The following ICA1 variants were observed in gnomAD, a reference collection of about 807,000 sequenced individuals.
ICA1 encodes the protein 69 kDa islet cell autoantigen.
In ICA1, 40 loss-of-function variants were observed where a neutral mutation model predicts 71.0. The observed-to-expected ratio is 0.56, with a 90% CI of 0.44 to 0.73. ICA1 has a LOEUF of 0.73. Ranked by LOEUF, ICA1 falls within the 30% of genes least tolerant of loss-of-function variation. The probability of loss-of-function intolerance (pLI) is 0.00; values close to 1 mark genes in which losing one functional copy is unlikely to be tolerated. For synonymous variants in ICA1, 207 were observed against 209.5 expected (o/e 0.99, Z 0.10); for missense variants, 578 against 576.5 (o/e 1.00, Z -0.03).
intron 6 of ICA1, among the ~76,000 whole-genome samples, chr7:8,187,423 T>A (rs750543044): frequency 3.9e-5 from 6 of 152,156 alleles, no homozygotes; most frequent in Non-Finnish European, 8.8e-5. Context: ...TGTAGGGCAC[T>A]TCCCACAAAT....
chr7:8,130,781 A>G lies in ICA1; in HGVS notation c.1061-2639T>C, dbSNP rs1420669075. Among the ~76,000 whole-genome samples, 1 of 152,238 alleles carries G rather than the reference A, an allele frequency of 6.6e-6. No individual in the cohort carries two copies. The highest frequency in any genetic ancestry group is 2.4e-5 in the African/African-American group (1 of 41,454). On this transcript the variant is annotated intron_variant, in intron 12 of 13. Coordinates refer to ENST00000402384, the MANE Select transcript of ICA1 (RefSeq NM_001136020.3). The surrounding 1 kb of genome is among the most constrained non-coding windows in gnomAD (Gnocchi z 4.2). ...TAGCAAGAACAAATAATAAACTGTA[A>G]GCCTTCTAAAAATAACCACAGACTG...
At chr7:8,124,143 C>T (rs1227916751) in intron 13 of ICA1, among the ~76,000 whole-genome samples, 4 of 109,872 alleles carry the variant, frequency 3.6e-5, no homozygotes, top group Non-Finnish European at 3.4e-5. Context: ...TTTTTTGAGA[C>T]GGAGTCTCGC....
At chr7:8,261,884 G>T (rs1220632123) in intron 1 of ICA1, 1 of 152,278 alleles carries the variant, frequency 6.6e-6, no homozygotes, top group Non-Finnish European at 1.5e-5. Flanking sequence ...TTCCCAGGCC[G>T]GAGGGAGGAG....
intron 8 of ICA1, among the ~76,000 whole-genome samples, chr7:8,150,439 T>C (rs530074199): frequency 1.3e-5 from 2 of 152,374 alleles, no homozygotes; most frequent in African/African-American, 4.8e-5. Context: ...TGTATCTCAC[T>C]TAATCCTCAC....
At chr7:8,185,920 C>T (rs932022000) in intron 6 of ICA1, among the ~76,000 whole-genome samples, 2 of 152,256 alleles carry the variant, frequency 1.3e-5, no homozygotes, top group African/African-American at 2.4e-5. Context: ...GGGTTAGATG[C>T]TACAGGAAAC....
At chr7:8,217,119 G>C (rs1795656044) in intron 6 of ICA1, among the ~76,000 whole-genome samples, 1 of 152,212 alleles carries the variant, frequency 6.6e-6, no homozygotes, top group Non-Finnish European at 1.5e-5. Flanking sequence ...AGATGAGCGA[G>C]TTTCACCAGA....
intron 7 of ICA1, 110 bp from the exon 8 acceptor site, chr7:8,157,324 C>T (rs1434643730): frequency 3.8e-6 from 4 of 1,059,950 alleles, no homozygotes; most frequent in Non-Finnish European, 5.4e-6. Flanking sequence ...AAGCATGATT[C>T]TAACTCATTT....
chr7:8,161,181 A>T (rs1216120759), intron 6 of ICA1, among the ~76,000 whole-genome samples: 2 of 152,220 alleles, frequency 1.3e-5, no homozygotes, highest in Non-Finnish European at 1.5e-5. Flanking sequence ...AAAGCTGTAA[A>T]GGAATGAGGT....
Position 8,228,567 on chromosome 7 carries a change from A to G in ICA1, c.256+34T>C, listed in dbSNP as rs967823586. The G allele has an allele frequency of 7.7e-6, 10 of 1,295,156 alleles. No individual in the cohort carries two copies. In the African/African-American group the frequency reaches 1.3e-4, roughly 17 times the overall value. 80.2% of individuals were successfully genotyped at this position (1,295,156 alleles called of 1,614,324 possible). A position where few individuals can be genotyped will look rare whatever the true frequency, so the allele number is the denominator to read the frequency against. On this transcript the variant is annotated intron_variant, in intron 4 of 13. Transcript: ENST00000402384. Reference sequence around the variant, plus strand: ...ACAAAATACCCTGCTATTTCTTACTATTTGATCAATATTCATACTGATGTC... The same window carrying G: ...ACAAAATACCCTGCTATTTCTTACTGTTTGATCAATATTCATACTGATGTC...
chr7:8,126,009 G>A (rs1314844471), intron 13 of ICA1, among the ~76,000 whole-genome samples: 1 of 152,216 alleles, frequency 6.6e-6, no homozygotes, highest in Non-Finnish European at 1.5e-5. Flanking sequence ...TAGTCTGGCA[G>A]CCCCACTGTG....
chr7:8,210,225 T>C (rs1049159270), intron 6 of ICA1, among the ~76,000 whole-genome samples: 7 of 152,156 alleles, frequency 4.6e-5, no homozygotes, highest in African/African-American at 9.7e-5. Context: ...AGAGACACTT[T>C]GGAAGTAGAA....
Position 8,132,840 on chromosome 7 carries a change from C to G in ICA1, c.1061-4698G>C, listed in dbSNP as rs1165013532. Among the ~76,000 whole-genome samples, 1 of 152,238 alleles carries G rather than the reference C, an allele frequency of 6.6e-6. No individual in the cohort carries two copies. The highest frequency in any genetic ancestry group is 1.5e-5 in the Non-Finnish European group (1 of 68,036). On this transcript the variant is annotated intron_variant, in intron 12 of 13. Coordinates refer to ENST00000402384, the MANE Select transcript of ICA1 (RefSeq NM_001136020.3). This position sits in a 1 kb window ranked among gnomAD's most constrained non-coding sequence, Gnocchi z 4.5. ...CCAATTCCAAGTTCTTTCTGGAACT[C>G]CATTTGCAAATTCCTGTCTGGGAGC...
chr7:8,152,643 T>TCCA (rs777722192), intron 8 of ICA1, among the ~76,000 whole-genome samples: 2 of 94,366 alleles, frequency 2.1e-5, no homozygotes, highest in South Asian at 7.6e-4. Context: ...CACCATCTCC[T>TCCA]CCACCACCAC....
chr7:8,185,862 A>G (rs1006162691), intron 6 of ICA1, among the ~76,000 whole-genome samples: 1 of 152,242 alleles, frequency 6.6e-6, no homozygotes, highest in Non-Finnish European at 1.5e-5. Context: ...GTGCATAGTA[A>G]GCACTCAAGA....
intron 3 of ICA1, among the ~76,000 whole-genome samples, chr7:8,231,069 G>A (rs556322151): frequency 2.4e-4 from 37 of 152,278 alleles, no homozygotes; most frequent in Non-Finnish European, 4.6e-4. Context: ...GTGTTAGACA[G>A]TGAGCAGGGG....
chr7:8,137,407 T>G (rs888812609), intron 12 of ICA1, among the ~76,000 whole-genome samples: 1 of 152,254 alleles, frequency 6.6e-6, no homozygotes, highest in Non-Finnish European at 1.5e-5. Flanking sequence ...ATTTGTTTAC[T>G]GGTAAGACTT....
chr7:8,162,699 C>CTTTA (rs1804329683), intron 6 of ICA1, among the ~76,000 whole-genome samples: 1 of 152,214 alleles, frequency 6.6e-6, no homozygotes, highest in East Asian at 1.9e-4. Context: ...TAAATGTACC[C>CTTTA]TTTATTTCTT....
At chr7:8,151,583 T>A (rs539165997) in intron 8 of ICA1, among the ~76,000 whole-genome samples, 3 of 152,200 alleles carry the variant, frequency 2.0e-5, no homozygotes, top group Non-Finnish European at 4.4e-5. Context: ...ATTGTCTTGT[T>A]GGGACTGGTA....
intron 13 of ICA1, among the ~76,000 whole-genome samples, chr7:8,119,404 A>G (rs140393963): frequency 1.5e-4 from 23 of 152,328 alleles, no homozygotes; most frequent in East Asian, 9.6e-4. Flanking sequence ...GAAGCATTAT[A>G]TTTTTCAAAG....
Sources: gnomAD v4.1 joint callset for allele counts (sites outside exome capture counted in the v4.1 genomes callset) on GRCh38, gnomAD v4.1.1 for gene constraint, Gnocchi (gnomAD v3.1) non-coding constraint, MANE v1.5 for transcripts, NCBI Gene and HGNC (gene_info 2026-07-23, HGNC 2026-07-21) for gene names.